The following MPPED1 variants were observed in gnomAD, a reference collection of about 807,000 sequenced individuals.
MPPED1 encodes the protein metallophosphoesterase domain-containing protein 1.
Under a neutral mutation model 36.2 loss-of-function variants are expected in MPPED1, and 16 were observed. The ratio of observed to expected loss-of-function variants is 0.44; its 90% confidence interval spans 0.30 to 0.67. MPPED1 has a LOEUF of 0.67. MPPED1 is among the 30% of genes least tolerant of loss of function. MPPED1 has a pLI of 0.10. For synonymous variants in MPPED1, 199 were observed against 191.3 expected (o/e 1.04, Z -0.33); for missense variants, 307 against 453.4 (o/e 0.68, Z 2.93).
At chr22:43,421,228 C>T (rs1430709209) in intron 1 of MPPED1, among the ~76,000 whole-genome samples, 1 of 152,258 alleles carries the variant, frequency 6.6e-6, no homozygotes, top group Non-Finnish European at 1.5e-5. Context: ...GCGGAGAATG[C>T]TCGCCTCCTC....
At chr22:43,458,937 C>A (rs1458296465) in intron 3 of MPPED1, among the ~76,000 whole-genome samples, 2 of 152,164 alleles carry the variant, frequency 1.3e-5, no homozygotes, top group Non-Finnish European at 2.9e-5. Flanking sequence ...TGCTTTCTGA[C>A]AGTTTGATTA....
chr22:43,492,618 G>A (rs1295548984), intron 4 of MPPED1, among the ~76,000 whole-genome samples: 1 of 152,146 alleles, frequency 6.6e-6, no homozygotes, highest in African/African-American at 2.4e-5. Context: ...AGGCCTGGGG[G>A]CAGATCCCCA....
chr22:43,448,249 T>C (rs1443728132), intron 3 of MPPED1, among the ~76,000 whole-genome samples: 1 of 152,032 alleles, frequency 6.6e-6, no homozygotes, highest in Non-Finnish European at 1.5e-5. Context: ...CCTGAGAGAG[T>C]GGAGAAGCTG....
intron 2 of MPPED1, among the ~76,000 whole-genome samples, chr22:43,429,792 G>A (rs1400378062): frequency 2.0e-5 from 3 of 152,186 alleles, no homozygotes; most frequent in South Asian, 2.1e-4. Flanking sequence ...CAGGGATCAC[G>A]GAGGACTTTC....
chr22:43,501,962 CCAAA>C (rs1442653424), intron 5 of MPPED1, among the ~76,000 whole-genome samples: 2 of 152,038 alleles, frequency 1.3e-5, no homozygotes, highest in African/African-American at 4.8e-5. Context: ...TTCTGCTCAC[CCAAA>C]CAGAGAGGGG....
At chr22:43,440,537 G>T (rs998049572) in intron 3 of MPPED1, among the ~76,000 whole-genome samples, 1 of 152,190 alleles carries the variant, frequency 6.6e-6, no homozygotes, top group Non-Finnish European at 1.5e-5. Context: ...AGAATGCCAG[G>T]TCCAAATTCT....
intron 4 of MPPED1, among the ~76,000 whole-genome samples, chr22:43,497,037 T>G (rs1932430035): frequency 1.4e-5 from 2 of 141,766 alleles, no homozygotes; most frequent in Admixed American, 6.9e-5. Flanking sequence ...GTGGTGGTGG[T>G]GGAGGTAGTG....
At chr22:43,424,331 C>T (rs1040110624) in intron 1 of MPPED1, among the ~76,000 whole-genome samples, 1 of 152,138 alleles carries the variant, frequency 6.6e-6, no homozygotes, top group Non-Finnish European at 1.5e-5. Flanking sequence ...AATCCCTTCT[C>T]AGGGCACCAC....
At chr22:43,437,336 C>T (rs1038659504) in intron 3 of MPPED1, among the ~76,000 whole-genome samples, 1 of 151,654 alleles carries the variant, frequency 6.6e-6, no homozygotes, top group Non-Finnish European at 1.5e-5. Flanking sequence ...CTATACCCTT[C>T]GCATGTATTA....
At chr22:43,482,444 G>A (rs2146894438) in intron 4 of MPPED1, among the ~76,000 whole-genome samples, 1 of 152,296 alleles carries the variant, frequency 6.6e-6, no homozygotes, top group South Asian at 2.1e-4. Context: ...GTGCCAGGAT[G>A]CCCTTCACCT....
At chr22:43,432,220 G>GAGAGAGAGGGAGAGACAA (rs71186588) in intron 2 of MPPED1, among the ~76,000 whole-genome samples, 1 of 150,896 alleles carries the variant, frequency 6.6e-6, no homozygotes, top group African/African-American at 2.4e-5. Context: ...GAGAGAGAGA[G>GAGAGAGAGGGAGAGACAA]ACACAGAGAG....
At chr22:43,449,488 A>C (rs1930487793) in intron 3 of MPPED1, among the ~76,000 whole-genome samples, 1 of 133,786 alleles carries the variant, frequency 7.5e-6, no homozygotes, top group Non-Finnish European at 1.5e-5. Flanking sequence ...GAATGCACTC[A>C]TCCCCTTATC....
intron 3 of MPPED1, among the ~76,000 whole-genome samples, chr22:43,451,711 G>A (rs868688695): frequency 7.2e-5 from 11 of 152,226 alleles, no homozygotes; most frequent in African/African-American, 1.9e-4. Context: ...ACCATGCGCC[G>A]CACCCCCTTA....
chr22:43,489,116 C>G (rs529493222), intron 4 of MPPED1, among the ~76,000 whole-genome samples: 3 of 152,162 alleles, frequency 2.0e-5, no homozygotes, highest in Admixed American at 6.5e-5. Flanking sequence ...TCGGGCCTGC[C>G]GGTCACGGTG....
intron 3 of MPPED1, among the ~76,000 whole-genome samples, chr22:43,445,593 C>A (rs191716662): frequency 1.4e-5 from 2 of 143,064 alleles, no homozygotes; most frequent in African/African-American, 5.3e-5. Flanking sequence ...CAGGATCTCA[C>A]TCTGTTGCCC....
rs185984689 is a variant in MPPED1, at chr22:43,413,565, A to G, written c.-79+1407A>G. Reference sequence around the variant, plus strand: ...CCGGGCTGAGGCAGGGGAGAACCTCAATGCGTTTGAGCTTGTGGTGCTAGG... The same window carrying G: ...CCGGGCTGAGGCAGGGGAGAACCTCGATGCGTTTGAGCTTGTGGTGCTAGG... On this transcript the variant is annotated intron_variant, in intron 1 of 6. Coordinates refer to ENST00000443721, the MANE Select transcript of MPPED1 (RefSeq NM_001044370.2). Among the ~76,000 whole-genome samples the G allele has an allele frequency of 3.6e-3, 543 of 152,238 alleles. 3 individuals carry two copies. Among genetic ancestry groups the G allele is most frequent in the African/African-American group, 0.012 (512 of 41,536 alleles).
intron 4 of MPPED1, among the ~76,000 whole-genome samples, chr22:43,489,486 T>C (rs1428487715): frequency 2.0e-5 from 3 of 151,868 alleles, no homozygotes; most frequent in Non-Finnish European, 4.4e-5. Context: ...CTCTTCTGGA[T>C]GTCTTGTGCA....
chr22:43,481,315 C>T (rs1311648143), intron 4 of MPPED1, among the ~76,000 whole-genome samples: 1 of 152,186 alleles, frequency 6.6e-6, no homozygotes, highest in Non-Finnish European at 1.5e-5. Flanking sequence ...TTATCTGACA[C>T]GTGGGGTCTG....
chr22:43,505,739 C>A lies in MPPED1; in HGVS notation c.*123C>A. 2.5e-6 allele frequency: 2 copies of A among 791,664 alleles called. No individual in the cohort carries two copies. Among genetic ancestry groups the A allele is most frequent in the East Asian group, 2.7e-5 (1 of 36,836 alleles). 49.0% of individuals were successfully genotyped at this position (791,664 alleles called of 1,614,324 possible). Reference sequence around the variant, plus strand: ...TGGCTGCGGGGACTGGCCTAGCAGGCAGGTCAGGGCCTTGGAACGACTCTT... The same window carrying A: ...TGGCTGCGGGGACTGGCCTAGCAGGAAGGTCAGGGCCTTGGAACGACTCTT... On this transcript the variant is annotated 3_prime_UTR_variant, in exon 7 of 7. Coordinates refer to ENST00000443721, the MANE Select transcript of MPPED1 (RefSeq NM_001044370.2).
Sources: allele counts gnomAD v4.1 joint callset (sites outside exome capture counted in the v4.1 genomes callset), GRCh38; gene constraint gnomAD v4.1.1; transcripts MANE v1.5; gene names NCBI Gene and HGNC (gene_info 2026-07-23, HGNC 2026-07-21).